ZNF521: variants seen among roughly 807,000 people sequenced by gnomAD.
ZNF521 encodes LYST-interacting protein 3.
ZNF521 carries 14 observed loss-of-function variants against 105.5 expected under a neutral mutation model. That is an observed-to-expected ratio of 0.13 (90% CI 0.09 to 0.21). The LOEUF is 0.21. ZNF521 is among the 10% of genes least tolerant of loss of function. The pLI, the probability that ZNF521 is intolerant of heterozygous loss-of-function variation, is 1.00. For missense variants in ZNF521, 1,233 were observed against 1,629.7 expected (o/e 0.76, Z 4.19); for synonymous variants, 635 against 606.0 (o/e 1.05, Z -0.70).
At chr18:25,251,963 A>G (rs983141386) in intron 3 of ZNF521, among the ~76,000 whole-genome samples, 39 of 152,222 alleles carry the variant, frequency 2.6e-4, no homozygotes, top group Admixed American at 1.1e-3. Context: ...ATTCTGCTCC[A>G]CAATCATTAT....
At chr18:25,083,843 C>T (rs949966827) in intron 7 of ZNF521, among the ~76,000 whole-genome samples, 1 of 151,338 alleles carries the variant, frequency 6.6e-6, no homozygotes, top group Non-Finnish European at 1.5e-5. Context: ...AATCATGGCT[C>T]ACTGCAGCCT....
chr18:25,195,539 T>C (rs1425106197), intron 4 of ZNF521, among the ~76,000 whole-genome samples: 2 of 150,252 alleles, frequency 1.3e-5, no homozygotes, highest in African/African-American at 2.4e-5. Context: ...ACCAGAAGTA[T>C]TACAGAAATA....
At chr18:25,105,834 C>T (rs2034061274) in intron 5 of ZNF521, among the ~76,000 whole-genome samples, 1 of 152,062 alleles carries the variant, frequency 6.6e-6, no homozygotes, top group African/African-American at 2.4e-5. Flanking sequence ...TCCCTATGCC[C>T]AGGAAGATAG....
At chr18:25,115,904 C>T (rs954825426) in intron 5 of ZNF521, among the ~76,000 whole-genome samples, 13 of 152,080 alleles carry the variant, frequency 8.5e-5, no homozygotes, top group Non-Finnish European at 1.0e-4. Flanking sequence ...TCAATTTCTC[C>T]GCCAGGAAAA....
intron 5 of ZNF521, among the ~76,000 whole-genome samples, chr18:25,194,389 G>T (rs1429240539): frequency 1.3e-5 from 2 of 151,590 alleles, no homozygotes; most frequent in African/African-American, 2.4e-5. Context: ...TAACTGGCTG[G>T]TAAAACGTTT....
rs144782934 is a variant in ZNF521 at position 25,086,586 on chromosome 18, T to C, written c.3906+2879A>G. Among the ~76,000 whole-genome samples the C allele has an allele frequency of 3.2e-3, 493 of 152,256 alleles. 4 individuals are homozygous for C. Among genetic ancestry groups the C allele is most frequent in the Non-Finnish European group, 5.1e-3 (349 of 67,996 alleles). On this transcript the variant is annotated intron_variant, in intron 7 of 7. Transcript: ENST00000361524. The stretch of plus-strand genomic sequence containing the variant: ...ATAGTTTTGCGAAATATTGACTGTG[T>C]AGTCAATATCTCATCTCAGATTCAT...
intron 5 of ZNF521, among the ~76,000 whole-genome samples, chr18:25,124,002 A>G (rs1476615398): frequency 6.6e-6 from 1 of 152,074 alleles, no homozygotes. Flanking sequence ...TACTTGCGGG[A>G]CTGGGAGCCA....
At chr18:25,165,481 TAC>T (rs1232854888) in intron 5 of ZNF521, among the ~76,000 whole-genome samples, 1 of 152,204 alleles carries the variant, frequency 6.6e-6, no homozygotes, top group African/African-American at 2.4e-5. Context: ...AAGTTCCTCA[TAC>T]AGTGTGAGCA....
At chr18:25,127,070 C>A (rs79831169) in intron 5 of ZNF521, among the ~76,000 whole-genome samples, 3 of 151,864 alleles carry the variant, frequency 2.0e-5, no homozygotes, top group African/African-American at 7.3e-5. Context: ...TACAAAGACA[C>A]GCCATACTAT....
chr18:25,268,539 G>C (rs1600234721), intron 3 of ZNF521, among the ~76,000 whole-genome samples: 1 of 152,278 alleles, frequency 6.6e-6, no homozygotes, highest in South Asian at 2.1e-4. Context: ...AGAAAGGTGG[G>C]GTTACCCACA....
chr18:25,063,138 C>T (rs193019211), intron 7 of ZNF521, among the ~76,000 whole-genome samples: 2 of 152,294 alleles, frequency 1.3e-5, no homozygotes, highest in African/African-American at 2.4e-5. Context: ...AAGATACGAC[C>T]CAGTGTTCAA....
At chr18:25,065,872 T>G (rs1468773322) in intron 7 of ZNF521, among the ~76,000 whole-genome samples, 1 of 152,210 alleles carries the variant, frequency 6.6e-6, no homozygotes, top group Non-Finnish European at 1.5e-5. Context: ...TACAAGTCTC[T>G]TCAGAGGTGC....
chr18:25,170,305 A>G (rs890789190), intron 5 of ZNF521, among the ~76,000 whole-genome samples: 1 of 152,064 alleles, frequency 6.6e-6, no homozygotes. Context: ...TAATTTAATA[A>G]TAGACTTAGA....
intron 3 of ZNF521, among the ~76,000 whole-genome samples, chr18:25,320,422 C>T (rs919047382): frequency 2.0e-5 from 3 of 152,146 alleles, no homozygotes; most frequent in Non-Finnish European, 4.4e-5. Context: ...CCACCTGCCT[C>T]GGCCTCCCAA....
chr18:25,103,332 T>G (rs1167295528), intron 5 of ZNF521, among the ~76,000 whole-genome samples: 1 of 152,154 alleles, frequency 6.6e-6, no homozygotes, highest in South Asian at 2.1e-4. Context: ...CTGTGGAGGC[T>G]GGGCTTGAGT....
chr18:25,141,428 A>G (rs1272254804), intron 5 of ZNF521, among the ~76,000 whole-genome samples: 1 of 152,206 alleles, frequency 6.6e-6, no homozygotes, highest in East Asian at 1.9e-4. Context: ...AGTCTTTGGA[A>G]GTTAGGGCAT....
chr18:25,254,595 C>T (rs540095414), intron 3 of ZNF521, among the ~76,000 whole-genome samples: 1 of 152,048 alleles, frequency 6.6e-6, no homozygotes, highest in East Asian at 1.9e-4. Flanking sequence ...TTCTATAAAC[C>T]CAACCTGAAT....
At chr18:25,138,631 G>A (rs993559386) in intron 5 of ZNF521, among the ~76,000 whole-genome samples, 2 of 152,112 alleles carry the variant, frequency 1.3e-5, no homozygotes, top group Non-Finnish European at 2.9e-5. Flanking sequence ...AACAGAAAAT[G>A]TATGATCAAA....
rs566758866 is a variant in ZNF521, at chr18:25,330,197, C to T, written c.41-8010G>A. 1.5e-4 allele frequency among the ~76,000 whole-genome samples: 23 copies of T among 152,174 alleles called. No homozygotes were observed. The East Asian group carries it at 3.3e-3, about 22-fold the overall frequency. On this transcript the variant is annotated intron_variant, in intron 2 of 7. Coordinates refer to ENST00000361524, the MANE Select transcript of ZNF521 (RefSeq NM_015461.3). ...CTTTTTTTTTTGAGACAGAGTCTCA[C>T]TCTGTCGCCAGGCTGGAGTGCAGTG...
Sources: gnomAD v4.1 joint callset for allele counts (sites outside exome capture counted in the v4.1 genomes callset) on GRCh38, gnomAD v4.1.1 for gene constraint, MANE v1.5 for transcripts, NCBI Gene and HGNC (gene_info 2026-07-23, HGNC 2026-07-21) for gene names.